NR2F1-AS1: variants seen among roughly 807,000 people sequenced by gnomAD.
The protein encoded by NR2F1-AS1 is NR2F1 regulatory antisense RNA 1.
At chr5:93,413,945 T>A (rs901379578) in intron 4 of NR2F1-AS1, among the ~76,000 whole-genome samples, 1 of 152,152 alleles carries the variant, frequency 6.6e-6, no homozygotes, top group African/African-American at 2.4e-5. Flanking sequence ...CTTTTTGAGT[T>A]AGGATGCAAG....
intron 4 of NR2F1-AS1, among the ~76,000 whole-genome samples, chr5:93,545,223 C>G (rs1029104239): frequency 6.6e-6 from 1 of 152,320 alleles, no homozygotes; most frequent in African/African-American, 2.4e-5. Context: ...ATTTATTTCT[C>G]ACTTAATGCT....
intron 4 of NR2F1-AS1, among the ~76,000 whole-genome samples, chr5:93,478,074 G>A (rs1712305796): frequency 1.3e-5 from 2 of 152,110 alleles, no homozygotes; most frequent in Admixed American, 6.5e-5. Context: ...CAACTTTTCT[G>A]CCCAATTAAA....
chr5:93,576,263 C>T (rs1331501083), intron 1 of NR2F1-AS1, among the ~76,000 whole-genome samples: 1 of 152,128 alleles, frequency 6.6e-6, no homozygotes, highest in East Asian at 1.9e-4. Flanking sequence ...GAACGATCCC[C>T]GAGTTTTGTT....
intron 1 of NR2F1-AS1, among the ~76,000 whole-genome samples, chr5:93,568,878 G>A (rs1752676938): frequency 1.3e-5 from 2 of 152,184 alleles, no homozygotes; most frequent in Non-Finnish European, 2.9e-5. Context: ...CAACAGCCAT[G>A]TAAATAAATT....
intron 2 of NR2F1-AS1, among the ~76,000 whole-genome samples, chr5:93,555,277 TATA>T (rs1245217538): frequency 1.3e-5 from 2 of 152,214 alleles, no homozygotes. Flanking sequence ...TAACCAGTTC[TATA>T]ATAAGTTTTA....
chr5:93,526,997 G>A (rs893243284), intron 4 of NR2F1-AS1, among the ~76,000 whole-genome samples: 3 of 152,054 alleles, frequency 2.0e-5, no homozygotes, highest in African/African-American at 7.2e-5. Flanking sequence ...TTCTGGCCAG[G>A]GCAATCAGGC....
At chr5:93,552,847 T>C (rs1452750685) in intron 4 of NR2F1-AS1, among the ~76,000 whole-genome samples, 2 of 152,120 alleles carry the variant, frequency 1.3e-5, no homozygotes, top group Non-Finnish European at 2.9e-5. Context: ...TACTTCATGA[T>C]TATATAAGAT....
intron 4 of NR2F1-AS1, chr5:93,495,928 G>A (rs945147772): frequency 5.9e-5 from 9 of 151,992 alleles, no homozygotes; most frequent in Admixed American, 1.3e-4. Flanking sequence ...TACAAACTAA[G>A]TAGAATGTAT....
At chr5:93,525,185 CA>C in intron 4 of NR2F1-AS1, among the ~76,000 whole-genome samples, 1 of 147,432 alleles carries the variant, frequency 6.8e-6, no homozygotes, top group African/African-American at 2.5e-5. Flanking sequence ...AAATGGAAAG[CA>C]AAAAAAAAGC....
chr5:93,421,170 A>G (rs1442127287), intron 4 of NR2F1-AS1, among the ~76,000 whole-genome samples: 1 of 152,132 alleles, frequency 6.6e-6, no homozygotes, highest in African/African-American at 2.4e-5. Flanking sequence ...TATAAAGTAA[A>G]ATCAAACAGA....
intron 4 of NR2F1-AS1, among the ~76,000 whole-genome samples, chr5:93,426,578 C>T (rs1044214694): frequency 6.6e-6 from 1 of 152,188 alleles, no homozygotes; most frequent in African/African-American, 2.4e-5. Context: ...CTCTGCACTA[C>T]TTTTTTCATC....
chr5:93,446,086 C>A (rs963443109), intron 4 of NR2F1-AS1, among the ~76,000 whole-genome samples: 9 of 152,090 alleles, frequency 5.9e-5, no homozygotes, highest in Non-Finnish European at 1.2e-4. Context: ...AAACCCACAG[C>A]CAATATCATA....
intron 4 of NR2F1-AS1, among the ~76,000 whole-genome samples, chr5:93,487,074 CT>C (rs1337358572): frequency 6.6e-6 from 1 of 152,072 alleles, no homozygotes; most frequent in Non-Finnish European, 1.5e-5. Flanking sequence ...TCTCAATAAA[CT>C]AGGTACTGAT....
At chr5:93,441,593 C>T (rs1749572330) in intron 4 of NR2F1-AS1, among the ~76,000 whole-genome samples, 1 of 152,190 alleles carries the variant, frequency 6.6e-6, no homozygotes, top group South Asian at 2.1e-4. Flanking sequence ...GGTAGCTCAA[C>T]TTTATAACCA....
At chr5:93,556,173 C>T (rs1211596292) in intron 2 of NR2F1-AS1, among the ~76,000 whole-genome samples, 1 of 152,138 alleles carries the variant, frequency 6.6e-6, no homozygotes, top group Non-Finnish European at 1.5e-5. Flanking sequence ...TCAACTTCAT[C>T]GTACTACCAG....
chr5:93,546,776 T>C (rs1322864957), intron 4 of NR2F1-AS1, among the ~76,000 whole-genome samples: 2 of 152,222 alleles, frequency 1.3e-5, no homozygotes, highest in East Asian at 3.8e-4. Context: ...TGGGGGAGAA[T>C]GACCAACTGT....
At chr5:93,582,029 C>A (rs1433639871), upstream of NR2F1-AS1, among the ~76,000 whole-genome samples, 1 of 138,848 alleles carries the variant, frequency 7.2e-6, no homozygotes, top group African/African-American at 2.7e-5. Context: ...CTCAATATCT[C>A]GCGCGCTCTC....
chr5:93,412,872 A>T (rs886766405), intron 4 of NR2F1-AS1, among the ~76,000 whole-genome samples: 2 of 152,002 alleles, frequency 1.3e-5, no homozygotes, highest in African/African-American at 4.8e-5. Flanking sequence ...AGGTACCAAC[A>T]CCTTCCCTGA....
chr5:93,490,850 G>A lies in NR2F1-AS1; in HGVS notation n.638+62911C>T, dbSNP rs543387479. 2.0e-5 allele frequency among the ~76,000 whole-genome samples: 3 copies of A among 146,852 alleles called. No homozygotes were observed. In the East Asian group the frequency reaches 6.3e-4, roughly 31 times the overall value. ...GTAGTGGTGGTGGTGGTGGTGCAGT[G>A]GTGGTGGTTGACTTGGTAATGGTGG... is the stretch of plus-strand genomic sequence containing the variant. On this transcript the variant is annotated intron_variant and non_coding_transcript_variant, in intron 4 of 5. Transcript: ENST00000660523.
Sources: gnomAD v4.1 joint callset for allele counts (sites outside exome capture counted in the v4.1 genomes callset) on GRCh38, gnomAD v4.1.1 for gene constraint, MANE v1.5 for transcripts, NCBI Gene and HGNC (gene_info 2026-07-23, HGNC 2026-07-21) for gene names.